The following RELN variants were observed in gnomAD, a reference collection of about 807,000 sequenced individuals.
RELN encodes the protein reelin.
A neutral mutation model predicts 427.6 loss-of-function variants in RELN; 108 were observed. The observed-to-expected ratio is 0.25, with a 90% confidence interval of 0.22 to 0.30. RELN has a LOEUF of 0.30. Among genes scored for constraint, RELN ranks in the 10% least tolerant of loss-of-function variants. RELN has a pLI of 1.00. For synonymous variants in RELN, 1,524 were observed against 1,513.4 expected (o/e 1.01, Z -0.16); for missense variants, 3,715 against 4,302.8 (o/e 0.86, Z 3.82).
chr7:103,814,486 A>G (rs1257959408), intron 3 of RELN, among the ~76,000 whole-genome samples: 4 of 152,208 alleles, frequency 2.6e-5, no homozygotes, highest in Non-Finnish European at 5.9e-5. Context: ...GAAAACCAAG[A>G]ATATAAGGTC....
At chr7:103,773,940 T>A (rs1310812227) in intron 4 of RELN, among the ~76,000 whole-genome samples, 1 of 152,148 alleles carries the variant, frequency 6.6e-6, no homozygotes, top group Non-Finnish European at 1.5e-5. Context: ...CACTTTCATA[T>A]CCTTATTTAG....
intron 5 of RELN, among the ~76,000 whole-genome samples, chr7:103,750,499 T>A (rs1023164936): frequency 2.0e-5 from 3 of 152,302 alleles, no homozygotes; most frequent in African/African-American, 7.2e-5. Context: ...AACTAATATA[T>A]CCATATTTCA....
rs572850985 is a variant in RELN, at chr7:103,520,136, G to GT, written c.7669-621dup. Among the ~76,000 whole-genome samples the GT allele has an allele frequency of 7.5e-4, 112 of 148,580 alleles. 1 individual carries two copies. The highest frequency in any genetic ancestry group is 5.0e-3 in the Admixed American group (75 of 14,878). The stretch of plus-strand genomic sequence containing the variant: ...GACACATTTCCAAGTTGCCTTGGCT[G>GT]TTTTTTTTTCATAAGCAAGATGAGA... On this transcript the variant is annotated intron_variant, in intron 48 of 64. Coordinates refer to ENST00000428762, the MANE Select transcript of RELN (RefSeq NM_005045.4).
chr7:103,776,635 C>G lies in RELN; in HGVS notation c.474-8G>C. ...CGGTGTGTTGCTGTAGCCCTGGAAA[C>G]AAATAGGAAAAGGTTAATTCAACTC... On this transcript the variant is annotated splice_region_variant and splice_polypyrimidine_tract_variant and intron_variant, in intron 3 of 64. Coordinates refer to ENST00000428762, the MANE Select transcript of RELN (RefSeq NM_005045.4). 1 of 1,613,830 alleles carries G rather than the reference C, an allele frequency of 6.2e-7. No homozygotes were observed. The highest frequency in any genetic ancestry group is 8.5e-7 in the Non-Finnish European group (1 of 1,179,844).
chr7:103,872,612 A>T (rs200253962), intron 2 of RELN, among the ~76,000 whole-genome samples: 10,126 of 129,456 alleles, frequency 0.078, 618 homozygotes, highest in East Asian at 0.19. Context: ...TGGTATTTCT[A>T]GTTCTAGATC....
intron 8 of RELN, among the ~76,000 whole-genome samples, chr7:103,703,000 A>C (rs1834125309): frequency 6.6e-6 from 1 of 152,196 alleles, no homozygotes; most frequent in Non-Finnish European, 1.5e-5. Context: ...GCCCAGGGTT[A>C]TCTTGAAGCA....
At chr7:103,541,189 C>A (rs761386764) in intron 43 of RELN, among the ~76,000 whole-genome samples, 64 of 152,140 alleles carry the variant, frequency 4.2e-4, no homozygotes, top group Non-Finnish European at 7.8e-4. Flanking sequence ...GCGTTCCCAG[C>A]TGGCAGGGAG....
Position 103,574,093 on chromosome 7 carries a change from T to C in RELN, c.4510A>G (p.Arg1504Gly). ...RTVPLDTRNI[R>G]LVQFYIQIGS... ...AGTATACCAGTTAATACTTGTTACC[T>C]GATATTCCTGGTGTCCAGAGGGACC... Residue 1504 changes from arginine to glycine, a missense_variant and splice_region_variant, in exon 30 of 65, where the codon AGA (arginine) becomes GGA (glycine). Physicochemically the swap from Arg to Gly is moderately radical, Grantham distance 125. This residue lies in a region of RELN where 2,208 missense variants were observed against 2,361.7 expected (regional missense o/e 0.93). Transcript: ENST00000428762. 1 of 1,610,224 alleles carries C rather than the reference T, an allele frequency of 6.2e-7. No homozygotes were observed. Among genetic ancestry groups the C allele is most frequent in the Admixed American group, 1.7e-5 (1 of 60,022 alleles).
chr7:103,611,934 T>C, intron 20 of RELN, 131 bp from the exon 21 acceptor site: 2 of 742,566 alleles, frequency 2.7e-6, no homozygotes, highest in Non-Finnish European at 4.6e-6. Context: ...AATTCTAGAA[T>C]GGATTTCGGT....
rs117434323 is a variant in RELN at position 103,704,359 on chromosome 7, G to A, written c.806-3353C>T. Among the ~76,000 whole-genome samples, 193 of 152,016 alleles carry A rather than the reference G, an allele frequency of 1.3e-3. 1 individual carries two copies. The highest frequency in any genetic ancestry group is 4.4e-3 in the African/African-American group (183 of 41,450). Reference sequence around the variant, plus strand: ...TTTTAATGTAAAATCCTATGTATACGTTCATTCTTATTAGGTTAACAATGT... The same window carrying A: ...TTTTAATGTAAAATCCTATGTATACATTCATTCTTATTAGGTTAACAATGT... On this transcript the variant is annotated intron_variant, in intron 8 of 64. Coordinates refer to ENST00000428762, the MANE Select transcript of RELN (RefSeq NM_005045.4).
At chr7:103,926,668 G>A (rs147704356) in intron 1 of RELN, among the ~76,000 whole-genome samples, 3,852 of 105,244 alleles carry the variant, frequency 0.037, 187 homozygotes, top group African/African-American at 0.14. Context: ...TTTTTGAGAC[G>A]GAGTCTCCCT....
intron 1 of RELN, among the ~76,000 whole-genome samples, chr7:103,970,486 T>A (rs1379834895): frequency 6.6e-6 from 1 of 152,172 alleles, no homozygotes; most frequent in African/African-American, 2.4e-5. Context: ...CTTTTTCTTT[T>A]TTTTTCTTTT....
In RELN at chr7:103,665,273, T is replaced by A. The variant is rs146119203; in HGVS notation, c.1290-3746A>T. ...TGTTTCTACAATTAACTTGCCTCTC[T>A]TTTTTCCTCCATTAGTCTATATGTC... On this transcript the variant is annotated intron_variant, in intron 11 of 64. Coordinates refer to ENST00000428762, the MANE Select transcript of RELN (RefSeq NM_005045.4). Among the ~76,000 whole-genome samples the A allele has an allele frequency of 1.5e-3, 226 of 152,166 alleles. 1 individual carries two copies. The highest frequency in any genetic ancestry group is 0.014 in the East Asian group (74 of 5,180).
intron 10 of RELN, among the ~76,000 whole-genome samples, chr7:103,691,543 T>C (rs1833870249): frequency 6.6e-6 from 1 of 152,178 alleles, no homozygotes; most frequent in Admixed American, 6.6e-5. Flanking sequence ...CCAGGAGCAG[T>C]GGCTCACACC....
chr7:103,625,909 C>A (rs1415506534), intron 20 of RELN, among the ~76,000 whole-genome samples: 1 of 152,108 alleles, frequency 6.6e-6, no homozygotes, highest in South Asian at 2.1e-4. Flanking sequence ...TCACTCTATG[C>A]CCAACTAATA....
chr7:103,738,069 T>C (rs1320064316), intron 6 of RELN, among the ~76,000 whole-genome samples: 2 of 150,590 alleles, frequency 1.3e-5, no homozygotes, highest in Non-Finnish European at 3.0e-5. Flanking sequence ...CTGCTATTAT[T>C]ATTGTTCTAT....
chr7:103,942,822 G>C (rs1280246017), intron 1 of RELN, among the ~76,000 whole-genome samples: 1 of 152,076 alleles, frequency 6.6e-6, no homozygotes, highest in Non-Finnish European at 1.5e-5. Flanking sequence ...TGAGGCAGGA[G>C]AATTGCTTGA....
intron 35 of RELN, 49 bp downstream of exon 35, chr7:103,561,764 A>G: frequency 6.2e-7 from 1 of 1,613,734 alleles, no homozygotes; most frequent in East Asian, 2.2e-5. Context: ...AACAAGCCAT[A>G]TTTATTTTTG....
chr7:103,503,717 T>G (rs1363282649), intron 51 of RELN, among the ~76,000 whole-genome samples: 1 of 152,150 alleles, frequency 6.6e-6, no homozygotes, highest in African/African-American at 2.4e-5. Flanking sequence ...CCTTCGTTGA[T>G]GGTGATAGCC....
Sources: gnomAD v4.1 joint callset for allele counts (sites outside exome capture counted in the v4.1 genomes callset) on GRCh38, gnomAD v4.1.1 for gene constraint, gnomAD v4.1.1 regional missense constraint, MANE v1.5 for transcripts, NCBI Gene and HGNC (gene_info 2026-07-23, HGNC 2026-07-21) for gene names.